Variants in ADAMTS20 observed in about 807,000 individuals in gnomAD.
ADAMTS20 encodes the protein A disintegrin and metalloproteinase with thrombospondin motifs 20.
ADAMTS20 carries 225 observed loss-of-function variants against 260.1 expected under a neutral mutation model. The ratio of observed to expected loss-of-function variants is 0.87; its 90% CI spans 0.78 to 0.97. The LOEUF (loss-of-function observed/expected upper bound fraction) is 0.97, where lower values mean the gene tolerates loss of function less well. Ranked by LOEUF, ADAMTS20 falls within the 50% of genes least tolerant of loss-of-function variation. The pLI is 0.00. For synonymous variants in ADAMTS20, 802 were observed against 769.5 expected (o/e 1.04, Z -0.70); for missense variants, 2,400 against 2,337.7 (o/e 1.03, Z -0.55).
At chr12:43,432,910 G>C in intron 19 of ADAMTS20, 99 bp from the exon 20 acceptor site, 1 of 1,109,292 alleles carries the variant, frequency 9.0e-7, no homozygotes. Context: ...CCTAAAAGTT[G>C]ATAGACAAAC....
At chr12:43,459,747 T>C (rs1022699706) in intron 11 of ADAMTS20, among the ~76,000 whole-genome samples, 3 of 152,190 alleles carry the variant, frequency 2.0e-5, no homozygotes, top group Non-Finnish European at 4.4e-5. Flanking sequence ...GAAAAAGTCA[T>C]TCAATATAAG....
intron 28 of ADAMTS20, chr12:43,423,843 G>T: frequency 1.4e-6 from 1 of 715,910 alleles, no homozygotes. Flanking sequence ...ATATGTGAGT[G>T]CTTTCCATGG....
At chr12:43,440,653 G>C (rs1449431794) in intron 16 of ADAMTS20, among the ~76,000 whole-genome samples, 1 of 152,108 alleles carries the variant, frequency 6.6e-6, no homozygotes, top group Non-Finnish European at 1.5e-5. Context: ...GATGTATGTA[G>C]CTTCAGAACA....
chr12:43,542,787 A>G (rs1451491882), intron 2 of ADAMTS20, among the ~76,000 whole-genome samples: 2 of 152,248 alleles, frequency 1.3e-5, no homozygotes, highest in Non-Finnish European at 2.9e-5. Context: ...TAGAGGGATT[A>G]TACTGTCAAA....
chr12:43,377,448 G>T lies in ADAMTS20; in HGVS notation c.4912C>A (p.Pro1638Thr). ...TAAACCTGAGAGGAAGGCACCACAGGGCATTCTTGATAAACTATAGGCCGA... is the reference window on the plus strand; with the variant it reads ...TAAACCTGAGAGGAAGGCACCACAGTGCATTCTTGATAAACTATAGGCCGA... The part of the protein sequence containing the change: ...RLRPIVYQEC[P>T]VVPSSQVYQC... The change falls in exon 32 of 39, where the codon CCT becomes ACT. Residue 1638 changes from proline (P) to threonine (T), a missense_variant. By Grantham distance (38) the Pro-to-Thr change is conservative. Transcript: ENST00000389420. 1 of 1,613,346 alleles carries T rather than the reference G, an allele frequency of 6.2e-7. No individual in the cohort carries two copies. The highest frequency in any genetic ancestry group is 8.5e-7 in the Non-Finnish European group (1 of 1,179,644).
rs141315635 is a variant in ADAMTS20, at chr12:43,365,735, C to T, written c.5538+3555G>A. On this transcript the variant is annotated intron_variant, in intron 37 of 38. Coordinates refer to ENST00000389420, the MANE Select transcript of ADAMTS20 (RefSeq NM_025003.5). Reference sequence around the variant, plus strand: ...GCCTTTATAAATGGTATATGTATAACAAACATAGCAGAAAAAGAGAAGAAA... The same window carrying T: ...GCCTTTATAAATGGTATATGTATAATAAACATAGCAGAAAAAGAGAAGAAA... Among the ~76,000 whole-genome samples, 212 of 151,804 alleles carry T rather than the reference C, an allele frequency of 1.4e-3. 5 individuals carry two copies. The highest frequency in any genetic ancestry group is 4.8e-3 in the African/African-American group (200 of 41,482).
intron 4 of ADAMTS20, among the ~76,000 whole-genome samples, chr12:43,499,065 A>G (rs1035403245): frequency 6.6e-6 from 1 of 152,212 alleles, no homozygotes; most frequent in Admixed American, 6.5e-5. Flanking sequence ...AAGTCATCTG[A>G]AATTGGGCTT....
chr12:43,375,168 G>A (rs538144143), intron 36 of ADAMTS20, among the ~76,000 whole-genome samples: 44 of 86,578 alleles, frequency 5.1e-4, no homozygotes, highest in African/African-American at 1.9e-3. Flanking sequence ...GTGCAACTGC[G>A]TCTCAAAAAA....
intron 28 of ADAMTS20, among the ~76,000 whole-genome samples, chr12:43,402,914 C>T (rs1469468694): frequency 6.6e-6 from 1 of 151,982 alleles, no homozygotes; most frequent in Non-Finnish European, 1.5e-5. Flanking sequence ...GTAGATACAG[C>T]ACACAACCCA....
intron 3 of ADAMTS20, among the ~76,000 whole-genome samples, chr12:43,528,898 A>C (rs1358155742): frequency 6.6e-6 from 1 of 152,220 alleles, no homozygotes; most frequent in African/African-American, 2.4e-5. Flanking sequence ...TTTGCAAACT[A>C]TGCATCTGAC....
intron 36 of ADAMTS20, among the ~76,000 whole-genome samples, chr12:43,372,132 T>C (rs959012922): frequency 3.3e-5 from 5 of 152,204 alleles, no homozygotes; most frequent in African/African-American, 9.7e-5. Flanking sequence ...GCTGGAAATG[T>C]GCATTTGGGA....
At chr12:43,381,235 G>T (rs1334118993) in intron 31 of ADAMTS20, among the ~76,000 whole-genome samples, 2 of 152,056 alleles carry the variant, frequency 1.3e-5, no homozygotes, top group South Asian at 2.1e-4. Flanking sequence ...ACTCCTAATT[G>T]TCTGAGCTAC....
intron 29 of ADAMTS20, among the ~76,000 whole-genome samples, chr12:43,396,038 G>A (rs535587249): frequency 9.2e-5 from 14 of 151,892 alleles, no homozygotes; most frequent in African/African-American, 2.9e-4. Flanking sequence ...AAATCCCCTC[G>A]CTTCCAGGAA....
chr12:43,486,538 A>G (rs868710206), intron 7 of ADAMTS20, among the ~76,000 whole-genome samples: 1 of 152,160 alleles, frequency 6.6e-6, no homozygotes, highest in Admixed American at 6.5e-5. Flanking sequence ...TATGACTAAG[A>G]CCCCAAAAGC....
chr12:43,527,512 C>A (rs958627477), intron 3 of ADAMTS20, among the ~76,000 whole-genome samples: 1 of 151,962 alleles, frequency 6.6e-6, no homozygotes, highest in Non-Finnish European at 1.5e-5. Flanking sequence ...GTGTTTCATC[C>A]AAGGATCCAG....
At chr12:43,361,165 C>T (rs1472170190) in intron 37 of ADAMTS20, among the ~76,000 whole-genome samples, 1 of 152,100 alleles carries the variant, frequency 6.6e-6, no homozygotes, top group Non-Finnish European at 1.5e-5. Context: ...CATTCCTATC[C>T]CAGACTATCC....
intron 3 of ADAMTS20, among the ~76,000 whole-genome samples, chr12:43,527,020 G>A (rs538934265): frequency 6.6e-6 from 1 of 152,194 alleles, no homozygotes; most frequent in African/African-American, 2.4e-5. Context: ...TACAACTGAT[G>A]CCACAGAAAT....
intron 3 of ADAMTS20, among the ~76,000 whole-genome samples, chr12:43,519,112 T>A (rs527738736): frequency 1.3e-5 from 2 of 152,256 alleles, no homozygotes; most frequent in South Asian, 4.1e-4. Flanking sequence ...ATGCTCCATA[T>A]CTGACAGTAG....
Position 43,376,066 on chromosome 12 carries a change from T to G in ADAMTS20, c.5303A>C (p.Tyr1768Ser). The G allele has an allele frequency of 4.4e-6, 7 of 1,607,716 alleles. No individual in the cohort carries two copies. Among genetic ancestry groups the G allele is most frequent in the Non-Finnish European group, 5.9e-6 (7 of 1,177,270 alleles). Residue 1768 changes from tyrosine to serine, a missense_variant, in exon 35 of 39, where the codon TAT becomes TCT. By Grantham distance (144) the Tyr-to-Ser change is moderately radical (BLOSUM62 -2). Transcript: ENST00000389420. ...AAAACACATCTCGTACCTAAAGCCA[T>G]ACACTTCAGAAAAGTTTTCTTCACC... ...VQGEENFSEV[Y>S]GFRLKNPYQC...
Sources: allele counts gnomAD v4.1 joint callset (sites outside exome capture counted in the v4.1 genomes callset), GRCh38; gene constraint gnomAD v4.1.1; transcripts MANE v1.5; gene names NCBI Gene and HGNC (gene_info 2026-07-23, HGNC 2026-07-21).